Variants in CDH4 observed in about 807,000 individuals in gnomAD.
The protein encoded by CDH4 is cadherin 4.
CDH4 carries 33 observed loss-of-function variants against 86.0 expected under a neutral mutation model. The observed-to-expected ratio is 0.38, with a 90% CI of 0.29 to 0.51. The LOEUF is 0.51. Among genes scored for constraint, CDH4 ranks in the 20% least tolerant of loss-of-function variants. The pLI, the probability that CDH4 is intolerant of heterozygous loss-of-function variation, is 0.86. For missense variants in CDH4, 1,114 were observed against 1,307.4 expected (o/e 0.85, Z 2.28); for synonymous variants, 555 against 549.4 (o/e 1.01, Z -0.14).
At chr20:61,552,964 T>C (rs1016476481) in intron 2 of CDH4, among the ~76,000 whole-genome samples, 1 of 152,202 alleles carries the variant, frequency 6.6e-6, no homozygotes, top group African/African-American at 2.4e-5. Flanking sequence ...CCCAAAATAG[T>C]GTGTCCACAC....
chr20:61,435,112 T>C (rs1192845620), intron 2 of CDH4, among the ~76,000 whole-genome samples: 5 of 152,136 alleles, frequency 3.3e-5, no homozygotes, highest in African/African-American at 1.2e-4. Flanking sequence ...TGAAGCCGGA[T>C]TGTGAGATTG....
intron 2 of CDH4, among the ~76,000 whole-genome samples, chr20:61,468,633 AG>A (rs1226648327): frequency 1.3e-5 from 2 of 152,156 alleles, no homozygotes; most frequent in Non-Finnish European, 2.9e-5. Flanking sequence ...ATGAAATAGT[AG>A]GTCTTACTCA....
chr20:61,600,788 ATAGT>A (rs3086929), intron 2 of CDH4, among the ~76,000 whole-genome samples: 6,523 of 152,336 alleles, frequency 0.043, 189 homozygotes, highest in Admixed American at 0.085. Flanking sequence ...TGCTATGTAA[ATAGT>A]TAGACTGTGT....
chr20:61,264,561 C>T (rs1600815851), intron 2 of CDH4, among the ~76,000 whole-genome samples: 1 of 147,208 alleles, frequency 6.8e-6, no homozygotes, highest in South Asian at 2.3e-4. Flanking sequence ...TTATACATAC[C>T]TCAGTGGTTC....
intron 2 of CDH4, among the ~76,000 whole-genome samples, chr20:61,589,202 G>A (rs2086499926): frequency 6.6e-6 from 1 of 152,110 alleles, no homozygotes; most frequent in Non-Finnish European, 1.5e-5. Context: ...TTGCCAAATA[G>A]GCTTCCCAGA....
At chr20:61,905,053 C>T (rs2054774033) in intron 8 of CDH4, among the ~76,000 whole-genome samples, 1 of 152,216 alleles carries the variant, frequency 6.6e-6, no homozygotes, top group Non-Finnish European at 1.5e-5. Flanking sequence ...AATCCTCCTA[C>T]CTCTCGGGAT....
intron 2 of CDH4, among the ~76,000 whole-genome samples, chr20:61,450,047 C>T (rs1035113996): frequency 1.3e-4 from 20 of 152,212 alleles, no homozygotes; most frequent in African/African-American, 4.8e-4. Context: ...TAATCTCAAC[C>T]CTTATTCAGA....
chr20:61,288,735 G>A (rs1330821883), intron 2 of CDH4, among the ~76,000 whole-genome samples: 1 of 152,224 alleles, frequency 6.6e-6, no homozygotes, highest in Non-Finnish European at 1.5e-5. Flanking sequence ...AGGTGCCAGC[G>A]ATTCGAGCAC....
intron 2 of CDH4, among the ~76,000 whole-genome samples, chr20:61,733,125 G>T (rs1370600514): frequency 2.0e-5 from 3 of 152,088 alleles, no homozygotes; most frequent in African/African-American, 7.2e-5. Flanking sequence ...GTCAGGGGAG[G>T]GTGGGAAAGA....
chr20:61,487,949 T>C (rs1006047158), intron 2 of CDH4, among the ~76,000 whole-genome samples: 22 of 152,228 alleles, frequency 1.4e-4, no homozygotes, highest in African/African-American at 5.3e-4. Context: ...AAGCAATGTC[T>C]TAAGTCTTCA....
At chr20:61,905,362 C>CG (rs1317688737) in intron 8 of CDH4, among the ~76,000 whole-genome samples, 3 of 152,230 alleles carry the variant, frequency 2.0e-5, no homozygotes, top group Non-Finnish European at 4.4e-5. Flanking sequence ...AGGGAATGGA[C>CG]GCAGAGAGCG....
At chr20:61,374,253 C>T (rs1001088753) in intron 2 of CDH4, among the ~76,000 whole-genome samples, 5 of 152,156 alleles carry the variant, frequency 3.3e-5, no homozygotes, top group African/African-American at 9.7e-5. Context: ...GGAGGAGATG[C>T]GTGAAGCTGG....
At chr20:61,540,507 A>C (rs2086032197) in intron 2 of CDH4, among the ~76,000 whole-genome samples, 1 of 152,042 alleles carries the variant, frequency 6.6e-6, no homozygotes, top group Non-Finnish European at 1.5e-5. Context: ...ACATAACTTC[A>C]GGGGCTGGTC....
rs998493333 is a variant in CDH4, at chr20:61,937,087, G to A, written c.*144G>A. ...GGCCCCCCAATCCCCACGTTGAGCTGTCTAGCATGAGCACCCACCCCCACA... is the reference window on the plus strand; with the variant it reads ...GGCCCCCCAATCCCCACGTTGAGCTATCTAGCATGAGCACCCACCCCCACA... On this transcript the variant is annotated 3_prime_UTR_variant, in exon 16 of 16. Transcript: ENST00000614565. 1.6e-6 allele frequency: 1 copy of A among 611,136 alleles called. No individual in the cohort carries two copies. Among genetic ancestry groups the A allele is most frequent in the Non-Finnish European group, 2.6e-6 (1 of 386,834 alleles). The allele number at this position is 611,136 out of a possible 1,614,324, so 37.9% of individuals were successfully genotyped here.
intron 6 of CDH4, among the ~76,000 whole-genome samples, chr20:61,859,477 G>C (rs1049104868): frequency 6.6e-6 from 1 of 152,202 alleles, no homozygotes; most frequent in Non-Finnish European, 1.5e-5. Flanking sequence ...TCAAGCCCTA[G>C]GTTCTGAAAA....
intron 2 of CDH4, among the ~76,000 whole-genome samples, chr20:61,398,386 G>A (rs1395091046): frequency 6.6e-6 from 1 of 152,206 alleles, no homozygotes. Flanking sequence ...TGGACTCTGT[G>A]AGGCAGGGCT....
intron 2 of CDH4, among the ~76,000 whole-genome samples, chr20:61,447,768 C>G (rs764496439): frequency 6.6e-6 from 1 of 151,884 alleles, no homozygotes; most frequent in Non-Finnish European, 1.5e-5. Flanking sequence ...TCACCTTTTG[C>G]CTGTATCTTC....
chr20:61,737,651 C>T (rs1600931346), intron 2 of CDH4, among the ~76,000 whole-genome samples: 1 of 152,200 alleles, frequency 6.6e-6, no homozygotes, highest in Admixed American at 6.5e-5. Flanking sequence ...TGGCTGGGTG[C>T]CTTGCTCCCT....
chr20:61,581,458 CCCT>C lies in CDH4; in HGVS notation c.170-162099_170-162097del, dbSNP rs1458156711. Among the ~76,000 whole-genome samples, 9 of 152,094 alleles carry C rather than the reference CCCT, an allele frequency of 5.9e-5. No individual in the cohort carries two copies. In the South Asian group the frequency reaches 1.9e-3, roughly 31 times the overall value. ...GGAGACGTGTTCCTGGGCTCCTGGCCCCTCCTCCATCTTCATGGCCAGTGAGGC... is the reference window on the plus strand; with the variant it reads ...GGAGACGTGTTCCTGGGCTCCTGGCCCCTCCATCTTCATGGCCAGTGAGGC... On this transcript the variant is annotated intron_variant, in intron 2 of 15. Coordinates refer to ENST00000614565, the MANE Select transcript of CDH4 (RefSeq NM_001794.5).
Sources: allele counts gnomAD v4.1 joint callset (sites outside exome capture counted in the v4.1 genomes callset), GRCh38; gene constraint gnomAD v4.1.1; transcripts MANE v1.5; gene names NCBI Gene and HGNC (gene_info 2026-07-23, HGNC 2026-07-21).